The following SPAG16 variants were observed in gnomAD, a reference collection of about 807,000 sequenced individuals.
The protein encoded by SPAG16 is sperm associated antigen 16.
A neutral mutation model predicts 80.4 loss-of-function variants in SPAG16; 86 were observed. That is an observed-to-expected ratio of 1.07 (90% CI 0.90 to 1.28). The LOEUF is 1.28. SPAG16 is among the 50% of genes most tolerant of loss of function. SPAG16 has a pLI of 0.00. For synonymous variants in SPAG16, 294 were observed against 265.9 expected (o/e 1.11, Z -1.03); for missense variants, 870 against 765.3 (o/e 1.14, Z -1.61).
chr2:213,293,039 A>T (rs914283379), intron 1 of SPAG16, among the ~76,000 whole-genome samples: 12 of 152,200 alleles, frequency 7.9e-5, no homozygotes, highest in African/African-American at 2.9e-4. Context: ...GTATGTGTCA[A>T]GGGCAGGACC....
chr2:213,303,535 C>T (rs2062826716), intron 3 of SPAG16, among the ~76,000 whole-genome samples: 2 of 151,882 alleles, frequency 1.3e-5, no homozygotes, highest in South Asian at 4.2e-4. Flanking sequence ...TCCCCTCTCC[C>T]CTCCCCAGCC....
At chr2:213,517,632 A>G (rs2075483298) in intron 10 of SPAG16, among the ~76,000 whole-genome samples, 1 of 152,178 alleles carries the variant, frequency 6.6e-6, no homozygotes, top group South Asian at 2.1e-4. Context: ...GTGGAACAGA[A>G]TAGAATAGAA....
At chr2:213,429,091 CAAA>C (rs10710536) in intron 9 of SPAG16, among the ~76,000 whole-genome samples, 5,360 of 129,048 alleles carry the variant, frequency 0.042, 158 homozygotes, top group African/African-American at 0.089. Context: ...GACTCCATCT[CAAA>C]AAAAAAAAAA....
intron 10 of SPAG16, among the ~76,000 whole-genome samples, chr2:213,580,748 T>C (rs2060271265): frequency 6.6e-6 from 1 of 152,180 alleles, no homozygotes; most frequent in Non-Finnish European, 1.5e-5. Context: ...ATATGGATGA[T>C]ATATAATTTC....
At chr2:213,527,376 T>G (rs1254295130) in intron 10 of SPAG16, among the ~76,000 whole-genome samples, 1 of 152,210 alleles carries the variant, frequency 6.6e-6, no homozygotes, top group Non-Finnish European at 1.5e-5. Context: ...TAAAATGTTG[T>G]TCTCTCTCTG....
intron 10 of SPAG16, among the ~76,000 whole-genome samples, chr2:213,582,584 TTTAAG>T (rs1339956413): frequency 5.3e-5 from 8 of 152,162 alleles, no homozygotes; most frequent in African/African-American, 1.9e-4. Context: ...TGATATTCAG[TTTAAG>T]TTATTTTTTG....
chr2:213,825,419 G>A (rs1006110110), intron 10 of SPAG16, among the ~76,000 whole-genome samples: 1 of 151,880 alleles, frequency 6.6e-6, no homozygotes, highest in East Asian at 1.9e-4. Flanking sequence ...GTTTTTTTAA[G>A]ATTTTTGTCA....
At chr2:213,838,051 G>A (rs1430301303) in intron 10 of SPAG16, among the ~76,000 whole-genome samples, 7 of 151,796 alleles carry the variant, frequency 4.6e-5, no homozygotes, top group African/African-American at 1.5e-4. Context: ...TTTTGCTGCC[G>A]TTCTTACGGT....
At chr2:213,640,773 A>G (rs1488644903) in intron 10 of SPAG16, among the ~76,000 whole-genome samples, 2 of 152,232 alleles carry the variant, frequency 1.3e-5, no homozygotes, top group Non-Finnish European at 2.9e-5. Context: ...ACTTCTGGTT[A>G]GCAAGGGTGT....
chr2:213,901,406 C>T (rs1214532646), intron 11 of SPAG16, among the ~76,000 whole-genome samples: 2 of 152,154 alleles, frequency 1.3e-5, no homozygotes, highest in South Asian at 2.1e-4. Flanking sequence ...GTAGATGATA[C>T]TCTTATTTAA....
intron 15 of SPAG16, among the ~76,000 whole-genome samples, chr2:214,385,399 A>G (rs955293730): frequency 6.6e-6 from 1 of 152,194 alleles, no homozygotes; most frequent in African/African-American, 2.4e-5. Context: ...ACCACATGCA[A>G]TCTCTATTTG....
intron 10 of SPAG16, among the ~76,000 whole-genome samples, chr2:213,684,901 A>G (rs899488931): frequency 5.3e-5 from 8 of 152,202 alleles, no homozygotes; most frequent in African/African-American, 1.9e-4. Flanking sequence ...TCATACTACA[A>G]TGCAAAATTG....
chr2:213,916,517 C>A (rs1451321260), intron 11 of SPAG16, among the ~76,000 whole-genome samples: 1 of 152,076 alleles, frequency 6.6e-6, no homozygotes, highest in Non-Finnish European at 1.5e-5. Context: ...GTTACTGTAG[C>A]CTTGTAGTAT....
intron 15 of SPAG16, among the ~76,000 whole-genome samples, chr2:214,167,336 A>C (rs1323518266): frequency 2.0e-5 from 3 of 152,092 alleles, no homozygotes; most frequent in Non-Finnish European, 4.4e-5. Flanking sequence ...AGCAGACAGC[A>C]CCAGCAGTGG....
chr2:214,170,778 C>T (rs1451944532), intron 15 of SPAG16, among the ~76,000 whole-genome samples: 1 of 151,880 alleles, frequency 6.6e-6, no homozygotes, highest in African/African-American at 2.4e-5. Flanking sequence ...TGTTGCTGTA[C>T]CCTCTTTGGT....
chr2:213,613,790 G>A (rs1159141765), intron 10 of SPAG16, among the ~76,000 whole-genome samples: 5 of 152,096 alleles, frequency 3.3e-5, no homozygotes, highest in African/African-American at 9.7e-5. Context: ...TAGATGCTAA[G>A]CAGTATCTTG....
intron 15 of SPAG16, among the ~76,000 whole-genome samples, chr2:214,296,710 T>C (rs1694159925): frequency 6.6e-6 from 1 of 152,202 alleles, no homozygotes; most frequent in South Asian, 2.1e-4. Context: ...TCTGTTCATA[T>C]CCTTTGCCCA....
intron 12 of SPAG16, among the ~76,000 whole-genome samples, chr2:213,932,914 A>T (rs2078829462): frequency 6.6e-6 from 1 of 151,444 alleles, no homozygotes; most frequent in South Asian, 2.1e-4. Flanking sequence ...TCAGGTATAT[A>T]AATTGTTATG....
chr2:214,123,732 T>C (rs1367451028), intron 14 of SPAG16, among the ~76,000 whole-genome samples: 2 of 151,754 alleles, frequency 1.3e-5, no homozygotes, highest in African/African-American at 4.8e-5. Flanking sequence ...CAGAGAGAGA[T>C]TCTCTGAGAG....
Sources: gnomAD v4.1 joint callset for allele counts (sites outside exome capture counted in the v4.1 genomes callset) on GRCh38, gnomAD v4.1.1 for gene constraint, MANE v1.5 for transcripts, NCBI Gene and HGNC (gene_info 2026-07-23, HGNC 2026-07-21) for gene names.